Variants in DPP6 observed in about 807,000 individuals in gnomAD.
DPP6 encodes A-type potassium channel modulatory protein DPP6.
A neutral mutation model predicts 122.6 loss-of-function variants in DPP6; 69 were observed. That is an observed-to-expected ratio of 0.56 (90% CI 0.46 to 0.69). DPP6 has a LOEUF of 0.69. DPP6 is among the 30% of genes least tolerant of loss of function. The probability of loss-of-function intolerance (pLI) is 0.00; values close to 1 mark genes in which losing one functional copy is unlikely to be tolerated. For missense variants in DPP6, 928 were observed against 1,116.9 expected (o/e 0.83, Z 2.41); for synonymous variants, 418 against 433.1 (o/e 0.97, Z 0.43).
At chr7:154,213,444 T>C (rs965839927) in intron 1 of DPP6, among the ~76,000 whole-genome samples, 9 of 152,206 alleles carry the variant, frequency 5.9e-5, no homozygotes. Context: ...TTATGCCTCA[T>C]CACCACCCTG....
At chr7:153,789,546 G>A in the DPP6 span, among the ~76,000 whole-genome samples, 2 of 152,150 alleles carry the variant, frequency 1.3e-5, no homozygotes, top group African/African-American at 4.8e-5. Context: ...TCTTAAGCAA[G>A]AAGCACTTGC....
the DPP6 span, among the ~76,000 whole-genome samples, chr7:153,834,361 T>A: frequency 2.6e-5 from 4 of 152,118 alleles, no homozygotes; most frequent in Non-Finnish European, 2.9e-5. Flanking sequence ...TTAATTTCTT[T>A]CTATGCTAAT....
chr7:154,727,737 A>ATAT, intron 7 of DPP6, 30 bp from the exon 8 acceptor site: 1 of 1,584,068 alleles, frequency 6.3e-7, no homozygotes, highest in Non-Finnish European at 8.6e-7. Context: ...TCCTTGCTTA[A>ATAT]TATTATGCTT....
chr7:154,847,114 G>T (rs115375580), intron 16 of DPP6, among the ~76,000 whole-genome samples: 2 of 152,114 alleles, frequency 1.3e-5, no homozygotes, highest in African/African-American at 4.8e-5. Flanking sequence ...AGTGGAGCCC[G>T]CAGGTCATAC....
At chr7:154,366,169 C>T (rs1004766898) in intron 1 of DPP6, among the ~76,000 whole-genome samples, 3 of 152,136 alleles carry the variant, frequency 2.0e-5, no homozygotes, top group African/African-American at 7.2e-5. Context: ...GCAACTCAGG[C>T]TGCTAGGGTG....
intron 3 of DPP6, among the ~76,000 whole-genome samples, chr7:154,495,174 C>G (rs1824622521): frequency 6.6e-6 from 1 of 152,106 alleles, no homozygotes; most frequent in African/African-American, 2.4e-5. Flanking sequence ...TTGGCTTAAG[C>G]CTGCAACATT....
chr7:154,480,422 C>T (rs1190347813), intron 3 of DPP6, among the ~76,000 whole-genome samples: 1 of 152,218 alleles, frequency 6.6e-6, no homozygotes, highest in Non-Finnish European at 1.5e-5. Flanking sequence ...ATGCAACAGG[C>T]ATTTCTCAGA....
chr7:153,945,554 G>A (rs1382253124), intron 1 of DPP6, among the ~76,000 whole-genome samples: 2 of 152,188 alleles, frequency 1.3e-5, no homozygotes, highest in Non-Finnish European at 2.9e-5. Context: ...AGAGCACCTC[G>A]TATAAGAATA....
chr7:154,793,284 C>G (rs1470025002), intron 10 of DPP6, among the ~76,000 whole-genome samples: 1 of 152,090 alleles, frequency 6.6e-6, no homozygotes, highest in Non-Finnish European at 1.5e-5. Flanking sequence ...TGGGGATGGT[C>G]TTTTTGGGGC....
intron 1 of DPP6, among the ~76,000 whole-genome samples, chr7:154,426,390 C>A (rs1020569047): frequency 6.6e-6 from 1 of 152,056 alleles, no homozygotes; most frequent in Admixed American, 6.6e-5. Context: ...TGGTTGAGGA[C>A]GTACTAAATA....
intron 1 of DPP6, among the ~76,000 whole-genome samples, chr7:153,955,360 C>A (rs1004745323): frequency 1.3e-5 from 2 of 152,116 alleles, no homozygotes; most frequent in South Asian, 2.1e-4. Context: ...CTTAACATGG[C>A]CTATTTTGTG....
chr7:154,788,211 A>G (rs1346118509), intron 10 of DPP6, among the ~76,000 whole-genome samples: 1 of 152,194 alleles, frequency 6.6e-6, no homozygotes, highest in Non-Finnish European at 1.5e-5. Flanking sequence ...TGGGAGGCTG[A>G]GGCTGGCGGA....
At chr7:153,928,953 C>T (rs1563017704) in intron 1 of DPP6, among the ~76,000 whole-genome samples, 3 of 152,184 alleles carry the variant, frequency 2.0e-5, no homozygotes, top group South Asian at 2.1e-4. Flanking sequence ...AGAAAGGTAA[C>T]GGAATAAACA....
intron 11 of DPP6, 109 bp downstream of exon 11, chr7:154,794,311 C>T: frequency 7.3e-7 from 1 of 1,371,320 alleles, no homozygotes; most frequent in Non-Finnish European, 9.5e-7. Context: ...ACTTGGGGAC[C>T]GGCCGCCCAG....
chr7:154,392,839 G>A (rs550456987), intron 1 of DPP6, among the ~76,000 whole-genome samples: 144 of 152,270 alleles, frequency 9.5e-4, no homozygotes, highest in South Asian at 2.5e-3. Flanking sequence ...AAGGCAGGGG[G>A]CCCTCCCCAA....
chr7:154,644,801 C>G (rs1359221109), intron 6 of DPP6, among the ~76,000 whole-genome samples: 2 of 151,344 alleles, frequency 1.3e-5, no homozygotes, highest in Admixed American at 1.3e-4. Flanking sequence ...CTCCACCTCC[C>G]AGGTTCAAGC....
chr7:154,770,268 G>A (rs1796177044), intron 9 of DPP6, among the ~76,000 whole-genome samples: 1 of 152,182 alleles, frequency 6.6e-6, no homozygotes, highest in African/African-American at 2.4e-5. Flanking sequence ...GTCTTACATG[G>A]CGGCAGACAA....
At chr7:154,886,559 G>A (rs1806171986) in intron 22 of DPP6, among the ~76,000 whole-genome samples, 1 of 152,224 alleles carries the variant, frequency 6.6e-6, no homozygotes, top group Non-Finnish European at 1.5e-5. Context: ...CTTTTCTGTG[G>A]CTCCGAGAAC....
chr7:154,296,166 A>G (rs755084571), intron 1 of DPP6, among the ~76,000 whole-genome samples: 1 of 151,894 alleles, frequency 6.6e-6, no homozygotes, highest in African/African-American at 2.4e-5. Context: ...GGATGGTCTC[A>G]ATCTCGTGAC....
Sources: allele counts gnomAD v4.1 joint callset (sites outside exome capture counted in the v4.1 genomes callset), GRCh38; gene constraint gnomAD v4.1.1; transcripts MANE v1.5; gene names NCBI Gene and HGNC (gene_info 2026-07-23, HGNC 2026-07-21).